The following CFAP58 variants were observed in gnomAD, a reference collection of about 807,000 sequenced individuals.
CFAP58 encodes the protein cilia- and flagella-associated protein 58.
A neutral mutation model predicts 119.5 loss-of-function variants in CFAP58; 88 were observed. The observed-to-expected ratio is 0.74, with a 90% CI of 0.62 to 0.88. The LOEUF is 0.88. CFAP58 is among the 40% of genes least tolerant of loss of function. CFAP58 has a pLI of 0.00. For synonymous variants in CFAP58, 365 were observed against 366.3 expected (o/e 1.00, Z 0.04); for missense variants, 990 against 1,021.2 (o/e 0.97, Z 0.42).
Position 104,384,890 on chromosome 10 carries a change from G to A in CFAP58, c.1365+4670G>A, listed in dbSNP as rs925051042. ...GAGCAGGAAATAGGGAGTAGATAGGGAAGAATGGGAGAGGAGGGCACACAA... is the reference window on the plus strand; with the variant it reads ...GAGCAGGAAATAGGGAGTAGATAGGAAAGAATGGGAGAGGAGGGCACACAA... On this transcript the variant is annotated intron_variant, in intron 9 of 17. Coordinates refer to ENST00000369704, the MANE Select transcript of CFAP58 (RefSeq NM_001008723.2). 2.0e-5 allele frequency among the ~76,000 whole-genome samples: 3 copies of A among 152,146 alleles called. No individual in the cohort carries two copies. In the East Asian group the frequency reaches 5.8e-4, roughly 29 times the overall value.
intron 7 of CFAP58, among the ~76,000 whole-genome samples, chr10:104,375,789 C>CG (rs199558938): frequency 0.011 from 1,247 of 117,498 alleles, 9 homozygotes; most frequent in Middle Eastern, 0.02. Context: ...TGGATGGGGT[C>CG]GGGGGGGGCT....
At position 104,442,808 on chromosome 10, in the gene CFAP58, C is replaced by A. The variant is rs566960653; in HGVS notation, c.2257-4890C>A. On this transcript the variant is annotated intron_variant, in intron 15 of 17. Coordinates refer to ENST00000369704, the MANE Select transcript of CFAP58 (RefSeq NM_001008723.2). Reference sequence around the variant, plus strand: ...ACCTCAAGTGATTTTCTGAGTTATACACAACATACATAATAAAAAAATATT... The same window carrying A: ...ACCTCAAGTGATTTTCTGAGTTATAAACAACATACATAATAAAAAAATATT... Among the ~76,000 whole-genome samples, 3 of 152,256 alleles carry A rather than the reference C, an allele frequency of 2.0e-5. No individual in the cohort carries two copies. In the South Asian group the frequency reaches 6.2e-4, roughly 32 times the overall value.
intron 6 of CFAP58, among the ~76,000 whole-genome samples, chr10:104,368,874 G>C (rs554393840): frequency 1.3e-5 from 2 of 152,148 alleles, no homozygotes; most frequent in Non-Finnish European, 2.9e-5. Flanking sequence ...CCATTCACAC[G>C]TGTGAACAGC....
At chr10:104,445,153 C>G (rs2013094219) in intron 15 of CFAP58, among the ~76,000 whole-genome samples, 1 of 151,396 alleles carries the variant, frequency 6.6e-6, no homozygotes, top group South Asian at 2.1e-4. Context: ...CGAGACCCCG[C>G]CTCTACAGAA....
chr10:104,392,166 A>G (rs911275019), intron 9 of CFAP58, 67 bp from the exon 10 acceptor site: 3 of 1,436,530 alleles, frequency 2.1e-6, no homozygotes, highest in African/African-American at 2.9e-5. Context: ...AAAAAACTCC[A>G]TTTGTCCTGA....
In CFAP58 at chr10:104,399,347, C is replaced by T. The variant is rs1449455663; in HGVS notation, c.1675-13C>T. 3.7e-6 allele frequency: 6 copies of T among 1,612,732 alleles called. 1 individual carries two copies. In the South Asian group the frequency reaches 6.6e-5, roughly 18 times the overall value. Reference sequence around the variant, plus strand: ...CGAATTGAAATTTGCCTGTATCTTCCACTCTTTGTCAGGCTGAGCTGCAGA... The same window carrying T: ...CGAATTGAAATTTGCCTGTATCTTCTACTCTTTGTCAGGCTGAGCTGCAGA... On this transcript the variant is annotated splice_polypyrimidine_tract_variant and intron_variant, in intron 11 of 17. Transcript: ENST00000369704.
intron 5 of CFAP58, among the ~76,000 whole-genome samples, chr10:104,366,263 A>G (rs1251723085): frequency 6.6e-6 from 1 of 152,144 alleles, no homozygotes; most frequent in African/African-American, 2.4e-5. Flanking sequence ...TATACTACAC[A>G]TATAGACAAG....
intron 15 of CFAP58, among the ~76,000 whole-genome samples, chr10:104,439,652 T>C (rs978435122): frequency 1.3e-5 from 2 of 151,810 alleles, no homozygotes; most frequent in African/African-American, 4.8e-5. Context: ...CTGCAATGAG[T>C]TGTGATTGTG....
upstream of CFAP58, chr10:104,353,751 G>A: frequency 1.2e-6 from 1 of 835,632 alleles, no homozygotes; most frequent in Non-Finnish European, 1.8e-6. Context: ...CCGTTGCCAG[G>A]CGACGGGCCG....
At chr10:104,429,724 C>T (rs1388519545) in intron 15 of CFAP58, among the ~76,000 whole-genome samples, 2 of 152,204 alleles carry the variant, frequency 1.3e-5, no homozygotes, top group Admixed American at 1.3e-4. Context: ...TACCATCCCT[C>T]ACTTTTATTT....
intron 15 of CFAP58, among the ~76,000 whole-genome samples, chr10:104,440,211 G>C (rs2013015179): frequency 6.6e-6 from 1 of 152,068 alleles, no homozygotes; most frequent in Non-Finnish European, 1.5e-5. Context: ...GACTGCTCTA[G>C]CATGCATCTA....
chr10:104,419,157 G>A (rs1318003434), intron 15 of CFAP58, among the ~76,000 whole-genome samples: 1 of 152,170 alleles, frequency 6.6e-6, no homozygotes, highest in East Asian at 1.9e-4. Flanking sequence ...CTGCCTGCCA[G>A]GGAGGTTGGA....
At chr10:104,385,885 C>A (rs1193808629) in intron 9 of CFAP58, among the ~76,000 whole-genome samples, 1 of 152,062 alleles carries the variant, frequency 6.6e-6, no homozygotes, top group African/African-American at 2.4e-5. Context: ...TGTGTTTCAT[C>A]TACAATAATG....
the CFAP58 span, among the ~76,000 whole-genome samples, chr10:104,339,763 T>C: frequency 6.6e-6 from 1 of 152,134 alleles, no homozygotes; most frequent in Non-Finnish European, 1.5e-5. Flanking sequence ...ACGTAAGAGG[T>C]TATGGCAGAA....
intron 8 of CFAP58, among the ~76,000 whole-genome samples, chr10:104,378,780 C>T (rs149357677): frequency 1.9e-3 from 287 of 152,210 alleles, no homozygotes; most frequent in African/African-American, 6.6e-3. Flanking sequence ...CATTCAGTTG[C>T]AGTTAAAGAG....
intron 15 of CFAP58, among the ~76,000 whole-genome samples, chr10:104,414,562 G>T (rs1479887098): frequency 1.4e-5 from 2 of 138,970 alleles, no homozygotes; most frequent in African/African-American, 2.6e-5. Flanking sequence ...GAGAGGCAGA[G>T]AAGCAGGGGC....
intron 3 of CFAP58, 120 bp downstream of exon 3, chr10:104,362,291 A>G (rs1295385751): frequency 2.5e-6 from 2 of 812,770 alleles, no homozygotes; most frequent in African/African-American, 3.5e-5. Context: ...ACTCTTCTTT[A>G]TTGGGTTCTT....
chr10:104,380,000 A>C (rs1285482390), intron 8 of CFAP58, 29 bp from the exon 9 acceptor site: 1 of 1,593,766 alleles, frequency 6.3e-7, no homozygotes, highest in African/African-American at 1.3e-5. Flanking sequence ...ATTATGAGTA[A>C]TGTGACTGCT....
At chr10:104,398,716 C>T (rs796541726) in intron 11 of CFAP58, among the ~76,000 whole-genome samples, 53 of 152,258 alleles carry the variant, frequency 3.5e-4, no homozygotes, top group African/African-American at 4.3e-4. Context: ...ATAATCAAGA[C>T]GCTGAAAAAT....
Sources: allele counts gnomAD v4.1 joint callset (sites outside exome capture counted in the v4.1 genomes callset), GRCh38; gene constraint gnomAD v4.1.1; transcripts MANE v1.5; gene names NCBI Gene and HGNC (gene_info 2026-07-23, HGNC 2026-07-21).